PDE1A: variants seen among roughly 807,000 people sequenced by gnomAD.
PDE1A encodes the protein dual specificity calcium/calmodulin-dependent 3',5'-cyclic nucleotide phosphodiesterase 1A.
Under a neutral mutation model 61.7 loss-of-function variants are expected in PDE1A, and 35 were observed. That is an observed-to-expected ratio of 0.57 (90% CI 0.43 to 0.75). The LOEUF is 0.75. Among genes scored for constraint, PDE1A ranks in the 30% least tolerant of loss-of-function variants. The probability of loss-of-function intolerance (pLI) is 0.00; values close to 1 mark genes in which losing one functional copy is unlikely to be tolerated. For synonymous variants in PDE1A, 232 were observed against 213.2 expected (o/e 1.09, Z -0.77); for missense variants, 597 against 630.6 (o/e 0.95, Z 0.57).
chr2:182,385,792 C>G (rs1701023817), intron 1 of PDE1A, among the ~76,000 whole-genome samples: 1 of 48,088 alleles, frequency 2.1e-5, no homozygotes, highest in African/African-American at 9.3e-5. Context: ...CTCCCTCTCC[C>G]TCCTCTCCCT....
chr2:182,429,412 G>C (rs1703804753), upstream of PDE1A, among the ~76,000 whole-genome samples: 1 of 151,858 alleles, frequency 6.6e-6, no homozygotes, highest in Non-Finnish European at 1.5e-5. Flanking sequence ...TAAATAAAAA[G>C]GCCAAGTCTT....
chr2:182,266,858 T>A (rs942682575), intron 1 of PDE1A, among the ~76,000 whole-genome samples: 2 of 151,968 alleles, frequency 1.3e-5, no homozygotes, highest in African/African-American at 4.8e-5. Context: ...AAAGAAAAAA[T>A]GGAAGTGGCC....
At chr2:182,670,263 T>C in the PDE1A span, among the ~76,000 whole-genome samples, 1 of 152,214 alleles carries the variant, frequency 6.6e-6, no homozygotes, top group African/African-American at 2.4e-5. Context: ...TCTTCAGTTG[T>C]TCCCACCTAA....
chr2:182,569,590 C>T, the PDE1A span, among the ~76,000 whole-genome samples: 1 of 152,162 alleles, frequency 6.6e-6, no homozygotes, highest in Admixed American at 6.6e-5. Context: ...AATGACACAA[C>T]ACTTTGTGCT....
chr2:182,385,655 GAAAGAAGAAAAAAAGAAAGA>G (rs1336015135), intron 1 of PDE1A, among the ~76,000 whole-genome samples: 11 of 140,682 alleles, frequency 7.8e-5, no homozygotes, highest in Admixed American at 2.2e-4. Context: ...AAGAAAGAAA[GAAAGAAGAAAAAAAGAAAGA>G]AAAGAAAGAA....
chr2:182,302,399 T>C (rs1283133632), intron 1 of PDE1A, among the ~76,000 whole-genome samples: 1 of 152,224 alleles, frequency 6.6e-6, no homozygotes, highest in Admixed American at 6.5e-5. Context: ...TCCCAGTACA[T>C]ATAAAAGTTA....
chr2:182,614,867 T>C, the PDE1A span, among the ~76,000 whole-genome samples: 1 of 152,336 alleles, frequency 6.6e-6, no homozygotes, highest in East Asian at 1.9e-4. Flanking sequence ...TATCTATTGT[T>C]ATTATACCTG....
chr2:182,166,560 G>A (rs1250059452), downstream of PDE1A, among the ~76,000 whole-genome samples: 3 of 152,090 alleles, frequency 2.0e-5, no homozygotes, highest in East Asian at 1.9e-4. Flanking sequence ...CTGGTTTCTC[G>A]GCTTTTGCAT....
At chr2:182,448,800 C>T (rs190924409) in intron 2 of PDE1A, among the ~76,000 whole-genome samples, 10 of 151,826 alleles carry the variant, frequency 6.6e-5, no homozygotes, top group South Asian at 2.1e-4. Context: ...ACTGTGATTC[C>T]GTTTTTAGCA....
intron 1 of PDE1A, among the ~76,000 whole-genome samples, chr2:182,349,825 A>G (rs1698755754): frequency 6.6e-6 from 1 of 152,176 alleles, no homozygotes; most frequent in South Asian, 2.1e-4. Context: ...AAAAGAAAAG[A>G]TAGCCTAAGC....
chr2:182,430,122 A>G (rs955242544), upstream of PDE1A, among the ~76,000 whole-genome samples: 1 of 152,118 alleles, frequency 6.6e-6, no homozygotes, highest in Admixed American at 6.6e-5. Flanking sequence ...TCAATTTAAA[A>G]AAGAGCTTCT....
At chr2:182,386,711 A>G (rs1411466800) in intron 1 of PDE1A, among the ~76,000 whole-genome samples, 2 of 151,238 alleles carry the variant, frequency 1.3e-5, no homozygotes, top group African/African-American at 4.9e-5. Flanking sequence ...CTGGGAAGTG[A>G]GGAGCGTCTC....
At chr2:182,447,048 C>T (rs758689429) in intron 2 of PDE1A, among the ~76,000 whole-genome samples, 1 of 151,690 alleles carries the variant, frequency 6.6e-6, no homozygotes, top group Non-Finnish European at 1.5e-5. Context: ...CAGAATTACA[C>T]TTACAAGTTG....
At chr2:182,152,694 T>C (rs951670028) in intron 13 of PDE1A, among the ~76,000 whole-genome samples, 1 of 152,214 alleles carries the variant, frequency 6.6e-6, no homozygotes, top group African/African-American at 2.4e-5. Context: ...GTGCTGGGAT[T>C]ACAGGTGTGA....
At chr2:182,468,722 C>T (rs1056108588) in intron 2 of PDE1A, among the ~76,000 whole-genome samples, 38 of 152,078 alleles carry the variant, frequency 2.5e-4, no homozygotes, top group African/African-American at 8.9e-4. Flanking sequence ...CTATCTGTGG[C>T]AACTATAGCC....
At position 182,201,650 on chromosome 2, in the gene PDE1A, C is replaced by CCAAAA. The variant is rs1553535417; in HGVS notation, c.1004+37_1004+38insTTTTG. ...CCAAGCCCCTGGAACTTTAACATGA[C>CCAAAA]AAAAAAAAAAAAACAACAAAAAAAA... On this transcript the variant is annotated intron_variant, in intron 9 of 13. Transcript: ENST00000351439. The CCAAAA allele has an allele frequency of 6.3e-6, 8 of 1,268,336 alleles. No individual in the cohort carries two copies. The Admixed American group carries it at 2.3e-4, about 37-fold the overall frequency. The allele number at this position is 1,268,336 out of a possible 1,614,324, so 78.6% of individuals were successfully genotyped here.
intron 2 of PDE1A, among the ~76,000 whole-genome samples, chr2:182,255,465 C>A (rs538316292): frequency 6.6e-6 from 1 of 152,110 alleles, no homozygotes; most frequent in Admixed American, 6.6e-5. Context: ...CCAAGTTTAG[C>A]AGCTCATTAT....
At chr2:182,680,394 A>G in the PDE1A span, among the ~76,000 whole-genome samples, 15 of 152,078 alleles carry the variant, frequency 9.9e-5, no homozygotes, top group East Asian at 2.7e-3. Flanking sequence ...TTTTTTTTGT[A>G]CAGAATTTAC....
At chr2:182,188,122 T>G (rs1303490608) in intron 11 of PDE1A, among the ~76,000 whole-genome samples, 1 of 152,178 alleles carries the variant, frequency 6.6e-6, no homozygotes, top group Non-Finnish European at 1.5e-5. Flanking sequence ...GCAATTTGCA[T>G]TACAGCAACA....
Sources: allele counts gnomAD v4.1 joint callset (sites outside exome capture counted in the v4.1 genomes callset), GRCh38; gene constraint gnomAD v4.1.1; transcripts MANE v1.5; gene names NCBI Gene and HGNC (gene_info 2026-07-23, HGNC 2026-07-21).